The following MED15 variants were observed in gnomAD, a reference collection of about 807,000 sequenced individuals.
The protein encoded by MED15 is mediator of RNA polymerase II transcription subunit 15.
Under a neutral mutation model 118.7 loss-of-function variants are expected in MED15, and 41 were observed. The ratio of observed to expected loss-of-function variants is 0.35; its 90% CI spans 0.27 to 0.45. The LOEUF (loss-of-function observed/expected upper bound fraction) is 0.45. Ranked by LOEUF, MED15 falls within the 20% of genes least tolerant of loss-of-function variation. MED15 has a pLI of 1.00. For missense variants in MED15, 740 were observed against 1,025.5 expected (o/e 0.72, Z 3.80); for synonymous variants, 436 against 413.9 (o/e 1.05, Z -0.65).
intron 1 of MED15, among the ~76,000 whole-genome samples, chr22:20,520,195 C>T (rs1012237564): frequency 5.3e-5 from 8 of 152,186 alleles, no homozygotes; most frequent in East Asian, 1.9e-4. Flanking sequence ...TTGGTGGGCT[C>T]TGGGGGCTGG....
At position 20,511,988 on chromosome 22, in the gene MED15, C is replaced by CTTTTT. The variant is rs746240328; in HGVS notation, c.68+4255_68+4259dup. On this transcript the variant is annotated intron_variant, in intron 1 of 17. Coordinates refer to ENST00000263205, the MANE Select transcript of MED15 (RefSeq NM_001003891.3). ...CTTTCAGCTTCTTGAACATTCTAAGCTTTTTTTTTTTTTTTTTGGAGACAA... is the reference window on the plus strand; with the variant it reads ...CTTTCAGCTTCTTGAACATTCTAAGCTTTTTTTTTTTTTTTTTTTTTTGGAGACAA... 1.8e-4 allele frequency among the ~76,000 whole-genome samples: 17 copies of CTTTTT among 92,202 alleles called. 1 individual carries two copies. Among genetic ancestry groups the CTTTTT allele is most frequent in the African/African-American group, 8.1e-4 (15 of 18,564 alleles). The allele number at this position is 92,202 out of a possible 152,430, so 60.5% of individuals were successfully genotyped here. A position where few individuals can be genotyped will look rare whatever the true frequency, so the allele number is the denominator to read the frequency against.
chr22:20,537,296 G>A, intron 2 of MED15, 92 bp downstream of exon 2: 3 of 1,111,502 alleles, frequency 2.7e-6, no homozygotes, highest in Non-Finnish European at 3.9e-6. Context: ...GTGTCCTAGG[G>A]TGTAGGGGTG....
chr22:20,547,201 A>T (rs1171189781), intron 2 of MED15, among the ~76,000 whole-genome samples: 1 of 152,220 alleles, frequency 6.6e-6, no homozygotes, highest in Non-Finnish European at 1.5e-5. Flanking sequence ...ATTTAAGATT[A>T]CCTTGAAGTT....
intron 9 of MED15, among the ~76,000 whole-genome samples, chr22:20,578,675 TCAGGGGC>T (rs2056892050): frequency 6.6e-6 from 1 of 151,876 alleles, no homozygotes; most frequent in South Asian, 2.1e-4. Flanking sequence ...ATCTGAGCTC[TCAGGGGC>T]CAGAACCTGC....
In MED15 at chr22:20,585,871, G is replaced by C. The variant is rs1320771828; in HGVS notation, c.2230+45G>C. ...CTGTCTGGGGACCCAGGGCAAGCAG[G>C]GGTCATTGTGGAAAACCAGGCTTCC... On this transcript the variant is annotated intron_variant, in intron 17 of 17. Transcript: ENST00000263205. The C allele has an allele frequency of 1.9e-6, 3 of 1,579,046 alleles. No homozygotes were observed. The Admixed American group carries it at 5.1e-5, about 27-fold the overall frequency.
At chr22:20,519,920 T>A (rs1293293562) in intron 1 of MED15, among the ~76,000 whole-genome samples, 1 of 152,190 alleles carries the variant, frequency 6.6e-6, no homozygotes, top group Non-Finnish European at 1.5e-5. Flanking sequence ...CTTTTATTTG[T>A]TTCTGTCTTT....
rs746013119 is a variant in MED15 at position 20,582,699 on chromosome 22, C to A, written c.1361C>A (p.Pro454Gln). 1 of 1,597,214 alleles carries A rather than the reference C, an allele frequency of 6.3e-7. No homozygotes were observed. Among genetic ancestry groups the A allele is most frequent in the Admixed American group, 1.7e-5 (1 of 59,746 alleles). ...CAGTCGATGCCCCCTCCCCCCCAGC[C>A]GTCCCCGCAGCCCGGCCAGCCCAGC... ...TPQSMPPPPQ[P>Q]SPQPGQPSSQ... The change falls in exon 10 of 18, where the codon CCG (proline) becomes CAG (glutamine). Residue 454 changes from proline to glutamine, a missense_variant. Pro to Gln is a moderately conservative substitution (Grantham distance 76, BLOSUM62 -1). Coordinates refer to ENST00000263205, the MANE Select transcript of MED15 (RefSeq NM_001003891.3).
At chr22:20,507,787 T>G (rs1411722873) in intron 1 of MED15, 41 bp downstream of exon 1, 5 of 1,612,686 alleles carry the variant, frequency 3.1e-6, no homozygotes, top group Non-Finnish European at 4.2e-6. Flanking sequence ...TGTGGGACCT[T>G]CCTCCTTAGC....
At chr22:20,537,084 T>C (rs2146446066) in intron 1 of MED15, 33 bp from the exon 2 acceptor site, 2 of 1,598,952 alleles carry the variant, frequency 1.3e-6, no homozygotes, top group South Asian at 1.1e-5. Flanking sequence ...GTCACTGGTG[T>C]GTGCAAACGT....
intron 1 of MED15, among the ~76,000 whole-genome samples, chr22:20,522,469 T>C (rs932064170): frequency 6.6e-6 from 1 of 151,828 alleles, no homozygotes; most frequent in Non-Finnish European, 1.5e-5. Context: ...AAAAAAGGAA[T>C]GGAAAGGCTG....
At chr22:20,534,310 G>A (rs1019670450) in intron 1 of MED15, among the ~76,000 whole-genome samples, 12 of 152,156 alleles carry the variant, frequency 7.9e-5, no homozygotes, top group East Asian at 3.9e-4. Flanking sequence ...AAGGCCAGGA[G>A]TTTGAGACCA....
At chr22:20,508,027 C>CA (rs538949455) in intron 1 of MED15, 69 of 1,399,760 alleles carry the variant, frequency 4.9e-5, no homozygotes, top group Middle Eastern at 5.4e-4. Context: ...GCTTTGGGTG[C>CA]AGACTTTCCC....
At chr22:20,567,401 TG>T (rs2146598455) in intron 7 of MED15, among the ~76,000 whole-genome samples, 2 of 152,310 alleles carry the variant, frequency 1.3e-5, no homozygotes, top group East Asian at 3.9e-4. Flanking sequence ...TGAAGGTAGC[TG>T]CATCAAGGGG....
rs1254931564 is a variant in MED15, at chr22:20,507,969, C to T, written c.68+223C>T. The T allele has an allele frequency of 1.4e-5, 20 of 1,436,452 alleles. No individual in the cohort carries two copies. The East Asian group carries it at 2.3e-4, about 16-fold the overall frequency. 89.0% of individuals were successfully genotyped at this position (1,436,452 alleles called of 1,614,324 possible). A position where few individuals can be genotyped will look rare whatever the true frequency, so the allele number is the denominator to read the frequency against. ...GGCCGAGCTCTGCAAACCAACGAGC[C>T]CTGGCTTATGAATCATCGTCTTGAG... On this transcript the variant is annotated intron_variant, in intron 1 of 17. Coordinates refer to ENST00000263205, the MANE Select transcript of MED15 (RefSeq NM_001003891.3).
intron 1 of MED15, among the ~76,000 whole-genome samples, chr22:20,521,088 A>AT (rs924603121): frequency 0.056 from 3,468 of 61,462 alleles, 695 homozygotes; most frequent in African/African-American, 0.11. Context: ...CAGTTGTTCT[A>AT]TTTTTTTTTT....
chr22:20,551,794 C>T, intron 3 of MED15: 2 of 406,372 alleles, frequency 4.9e-6, no homozygotes, highest in South Asian at 5.3e-5. Context: ...GTTTTTACTT[C>T]TGGGAAGTTC....
At chr22:20,568,437 C>G in intron 7 of MED15, 84 bp from the exon 8 acceptor site, 1 of 1,546,082 alleles carries the variant, frequency 6.5e-7, no homozygotes, top group South Asian at 1.2e-5. Flanking sequence ...AGAAAGGCTC[C>G]ATTTCCTAAG....
chr22:20,579,960 G>C (rs1054986084), intron 9 of MED15, among the ~76,000 whole-genome samples: 4 of 152,160 alleles, frequency 2.6e-5, no homozygotes, highest in Non-Finnish European at 5.9e-5. Flanking sequence ...AATGCCAGTT[G>C]TGTCTTCAGA....
At chr22:20,558,767 C>T (rs920853132) in intron 5 of MED15, among the ~76,000 whole-genome samples, 1 of 152,074 alleles carries the variant, frequency 6.6e-6, no homozygotes, top group African/African-American at 2.4e-5. Flanking sequence ...CCCCCATACC[C>T]CCCAGAAGCA....
Sources: allele counts gnomAD v4.1 joint callset (sites outside exome capture counted in the v4.1 genomes callset), GRCh38; gene constraint gnomAD v4.1.1; transcripts MANE v1.5; gene names NCBI Gene and HGNC (gene_info 2026-07-23, HGNC 2026-07-21).